Variants in OR5V1 observed in about 807,000 individuals in gnomAD.
OR5V1 encodes olfactory receptor family 5 subfamily V member 1.
For missense variants in OR5V1, 365 were observed against 371.5 expected (o/e 0.98, Z 0.14); for synonymous variants, 134 against 143.2 (o/e 0.94, Z 0.46).
chr6:29,365,766 A>T (rs1349038423), intron 1 of OR5V1, among the ~76,000 whole-genome samples: 1 of 152,236 alleles, frequency 6.6e-6, no homozygotes, highest in Non-Finnish European at 1.5e-5. Context: ...AGGATCTATA[A>T]CCAGAAATAC....
At chr6:29,363,541 A>G (rs916589860) in intron 1 of OR5V1, among the ~76,000 whole-genome samples, 4 of 152,218 alleles carry the variant, frequency 2.6e-5, no homozygotes, top group South Asian at 2.1e-4. Flanking sequence ...CTCGATGCAA[A>G]AATGCTCAAT....
At chr6:29,361,690 A>G (rs1392672869) in intron 1 of OR5V1, among the ~76,000 whole-genome samples, 1 of 152,210 alleles carries the variant, frequency 6.6e-6, no homozygotes, top group Admixed American at 6.5e-5. Flanking sequence ...ACTAAGCTTC[A>G]TAAGTGCAGG....
At chr6:29,360,540 C>T (rs1778518468) in intron 1 of OR5V1, among the ~76,000 whole-genome samples, 2 of 152,160 alleles carry the variant, frequency 1.3e-5, no homozygotes, top group Admixed American at 1.3e-4. Flanking sequence ...GTCCAGCTGG[C>T]ACTGGGCTTC....
chr6:29,355,881 A>G lies in OR5V1; in HGVS notation c.315T>C (p.Val105=). ...GGAGACACTCTGATCCTACAAAGAA[A>G]ACAAATGCAAAAAGTTGAACCACAC... The part of the protein sequence containing the change: ...VGCVVQLFAF[V]FFVGSECLLL... Residue 105 remains valine (V), a synonymous_variant, in exon 2 of 2, where the codon GTT becomes GTC. Transcript: ENST00000641768. The G allele has an allele frequency of 6.2e-7, 1 of 1,614,024 alleles. No individual in the cohort carries two copies. Among genetic ancestry groups the G allele is most frequent in the Non-Finnish European group, 8.5e-7 (1 of 1,179,946 alleles).
At chr6:29,356,915 C>T (rs1003069673) in intron 1 of OR5V1, among the ~76,000 whole-genome samples, 2 of 152,052 alleles carry the variant, frequency 1.3e-5, no homozygotes, top group Non-Finnish European at 2.9e-5. Context: ...GAGTTGTATT[C>T]AAGTATTTGT....
chr6:29,356,578 A>C (rs1031586733), intron 1 of OR5V1, among the ~76,000 whole-genome samples: 1 of 152,088 alleles, frequency 6.6e-6, no homozygotes, highest in African/African-American at 2.4e-5. Context: ...TTCTAGAAGA[A>C]TCTCTGGTAT....
At chr6:29,360,864 G>A (rs181561646) in intron 1 of OR5V1, among the ~76,000 whole-genome samples, 12 of 152,202 alleles carry the variant, frequency 7.9e-5, no homozygotes, top group African/African-American at 2.9e-4. Flanking sequence ...CATTCTTCTA[G>A]AGAAAAATGT....
chr6:29,363,490 C>T (rs1465572513), intron 1 of OR5V1, among the ~76,000 whole-genome samples: 1 of 151,986 alleles, frequency 6.6e-6, no homozygotes, highest in Admixed American at 6.6e-5. Flanking sequence ...GGCAAAGACA[C>T]AACAAAAAAA....
chr6:29,360,520 A>G (rs1206709846), intron 1 of OR5V1, among the ~76,000 whole-genome samples: 1 of 152,212 alleles, frequency 6.6e-6, no homozygotes, highest in African/African-American at 2.4e-5. Context: ...CAGACACCTC[A>G]TAGAGGAGAG....
chr6:29,358,482 T>G (rs1562927847), intron 1 of OR5V1, among the ~76,000 whole-genome samples: 1 of 152,172 alleles, frequency 6.6e-6, no homozygotes, highest in African/African-American at 2.4e-5. Context: ...GGAATTGAAA[T>G]CAGTATCTCA....
chr6:29,356,684 T>C (rs958641605), intron 1 of OR5V1, among the ~76,000 whole-genome samples: 13 of 152,196 alleles, frequency 8.5e-5, no homozygotes, highest in Admixed American at 3.3e-4. Context: ...AAAATTAATG[T>C]ATTTGTTTTA....
Position 29,368,803 on chromosome 6 carries a change from C to T in OR5V1, c.-254G>A, listed in dbSNP as rs1243214914. The T allele has an allele frequency of 2.6e-5, 4 of 152,006 alleles. No individual in the cohort carries two copies. The highest frequency in any genetic ancestry group is 5.9e-5 in the Non-Finnish European group (4 of 68,010). 9.4% of individuals were successfully genotyped at this position (152,006 alleles called of 1,614,324 possible). A position where few individuals can be genotyped will look rare whatever the true frequency, so the allele number is the denominator to read the frequency against. ...GTGAGTGCCAAGACTCTACTCAGTC[C>T]CTGAAGGCCAGTGCATGGGACTGGA... On this transcript the variant is annotated 5_prime_UTR_variant, in exon 1 of 2. Transcript: ENST00000641768.
chr6:29,362,589 C>T (rs1030692818), intron 1 of OR5V1, among the ~76,000 whole-genome samples: 2 of 152,210 alleles, frequency 1.3e-5, no homozygotes, highest in African/African-American at 2.4e-5. Flanking sequence ...CAAACAGTCT[C>T]TCAGACCACA....
rs773337600 is a variant in OR5V1, at chr6:29,356,222, T to C, written c.-27A>G. The C allele has an allele frequency of 7.8e-6, 12 of 1,539,260 alleles. No individual in the cohort carries two copies. The highest frequency in any genetic ancestry group is 2.2e-5 in the Admixed American group (1 of 46,300). On this transcript the variant is annotated 5_prime_UTR_variant, in exon 2 of 2. Transcript: ENST00000641768. ...ATGTCGCCTGGTTTCCTTTCAGGAATTGGGCAAAGAGAAGACCAGATTATA... is the reference window on the plus strand; with the variant it reads ...ATGTCGCCTGGTTTCCTTTCAGGAACTGGGCAAAGAGAAGACCAGATTATA...
At chr6:29,367,065 T>C (rs1313355168) in intron 1 of OR5V1, among the ~76,000 whole-genome samples, 1 of 152,192 alleles carries the variant, frequency 6.6e-6, no homozygotes, top group African/African-American at 2.4e-5. Flanking sequence ...TAAACAATAA[T>C]GTATTACTCC....
chr6:29,355,637 A>T lies in OR5V1; in HGVS notation c.559T>A (p.Leu187Met). 1 of 1,614,060 alleles carries T rather than the reference A, an allele frequency of 6.2e-7. No homozygotes were observed. The highest frequency in any genetic ancestry group is 8.5e-7 in the Non-Finnish European group (1 of 1,179,942). Residue 187 changes from leucine (L) to methionine (M), a missense_variant, in exon 2 of 2, where the codon TTG becomes ATG. Leu to Met is a conservative substitution (Grantham distance 15, BLOSUM62 2). Transcript: ENST00000641768. ...TTGACAGAAGTGTTTCCACAAGACAAGATCAGCAAAGGGGGGATGTCACAG... is the reference window on the plus strand; with the variant it reads ...TTGACAGAAGTGTTTCCACAAGACATGATCAGCAAAGGGGGGATGTCACAG... ...FFCDIPPLLI[L>M]SCGNTSVNEL...
At position 29,356,140 on chromosome 6, in the gene OR5V1, T is replaced by G. The variant is rs548741385; in HGVS notation, c.56A>C (p.Asn19Thr). ...TAGTAAAAACTGCAATTCATTTAGG[T>G]TGGAGAATCCCAAGATGATGAATTC... ...ITEFIILGFS[N>T]LNELQFLLFT... is the part of the protein sequence containing the mutation. The change falls in exon 2 of 2, where the codon AAC becomes ACC. Residue 19 changes from asparagine (N) to threonine (T), a missense_variant. Asn to Thr is a moderately conservative substitution (Grantham distance 65). Transcript: ENST00000641768. The G allele has an allele frequency of 6.8e-6, 11 of 1,609,276 alleles. No homozygotes were observed. Among genetic ancestry groups the G allele is most frequent in the Non-Finnish European group, 9.3e-6 (11 of 1,178,434 alleles).
chr6:29,365,566 T>A (rs1466262889), intron 1 of OR5V1, among the ~76,000 whole-genome samples: 2 of 152,094 alleles, frequency 1.3e-5, no homozygotes, highest in Non-Finnish European at 2.9e-5. Flanking sequence ...CTCATCATCA[T>A]GGGTCATTAT....
chr6:29,365,386 A>G (rs1562934430), intron 1 of OR5V1, among the ~76,000 whole-genome samples: 1 of 152,126 alleles, frequency 6.6e-6, no homozygotes, highest in Non-Finnish European at 1.5e-5. Flanking sequence ...AATGGGAGAA[A>G]ATTTTGGCTA....
Sources: allele counts gnomAD v4.1 joint callset (sites outside exome capture counted in the v4.1 genomes callset), GRCh38; gene constraint gnomAD v4.1.1; transcripts MANE v1.5; gene names NCBI Gene and HGNC (gene_info 2026-07-23, HGNC 2026-07-21).